SKP2: variants seen among roughly 807,000 people sequenced by gnomAD.
The protein encoded by SKP2 is S-phase kinase-associated protein 2.
Under a neutral mutation model 51.8 loss-of-function variants are expected in SKP2, and 16 were observed. The ratio of observed to expected loss-of-function variants is 0.31; its 90% CI spans 0.21 to 0.47. SKP2 has a LOEUF of 0.47. Among genes scored for constraint, SKP2 ranks in the 20% least tolerant of loss-of-function variants. The pLI is 1.00. For synonymous variants in SKP2, 176 were observed against 198.6 expected (o/e 0.89, Z 0.96); for missense variants, 377 against 505.3 (o/e 0.75, Z 2.43).
intron 9 of SKP2, chr5:36,180,382 T>C: frequency 1.8e-6 from 1 of 553,982 alleles, no homozygotes; most frequent in Non-Finnish European, 3.0e-6. Flanking sequence ...ATGACAGCAA[T>C]TTGTTCTTTC....
downstream of SKP2, among the ~76,000 whole-genome samples, chr5:36,186,921 G>T (rs185795834): frequency 2.3e-4 from 35 of 152,242 alleles, no homozygotes; most frequent in Non-Finnish European, 4.9e-4. Flanking sequence ...CAGTTTCAGA[G>T]CCTGTTATTG....
At chr5:36,190,861 AAGTT>A (rs1421255819) in intron 6 of SKP2, among the ~76,000 whole-genome samples, 12 of 152,146 alleles carry the variant, frequency 7.9e-5, no homozygotes, top group Admixed American at 2.0e-4. Flanking sequence ...ATACCTCTAA[AAGTT>A]AGGGATTTTC....
downstream of SKP2, among the ~76,000 whole-genome samples, chr5:36,188,543 T>C (rs6451260): frequency 0.062 from 9,503 of 152,254 alleles, 657 homozygotes; most frequent in South Asian, 0.22. Context: ...TCTTTAAGAA[T>C]GTTGAATATT....
At chr5:36,192,478 A>G (rs1486223667) in intron 6 of SKP2, 3 of 152,360 alleles carry the variant, frequency 2.0e-5, no homozygotes, top group Admixed American at 1.3e-4. Context: ...AGCAAAATAT[A>G]TAACGTATCC....
downstream of SKP2, among the ~76,000 whole-genome samples, chr5:36,189,292 G>A (rs1369925836): frequency 6.6e-6 from 1 of 152,202 alleles, no homozygotes; most frequent in Non-Finnish European, 1.5e-5. Flanking sequence ...TGGAGGGGGA[G>A]AGGTGCTCTG....
Position 36,152,335 on chromosome 5 carries a change from G to A in SKP2, c.8+65G>A. On this transcript the variant is annotated intron_variant, in intron 1 of 9. Transcript: ENST00000274255. ...CCTCTTAATAATTCTTTTAGGCCGC[G>A]AATATCGCTACTGGCTAATATTGTT... 14 of 1,427,618 alleles carry A rather than the reference G, an allele frequency of 9.8e-6. No individual in the cohort carries two copies. In the South Asian group the frequency reaches 1.4e-4, roughly 14 times the overall value. 88.4% of individuals were successfully genotyped at this position (1,427,618 alleles called of 1,614,324 possible). A position where few individuals can be genotyped will look rare whatever the true frequency, so the allele number is the denominator to read the frequency against.
chr5:36,152,936 C>G lies in SKP2; in HGVS notation c.174C>G (p.Asn58Lys). 1 of 1,614,104 alleles carries G rather than the reference C, an allele frequency of 6.2e-7. No individual in the cohort carries two copies. The highest frequency in any genetic ancestry group is 8.5e-7 in the Non-Finnish European group (1 of 1,180,016). ...ACATCCCCCAGGAACTGCTCTCAAA[C>G]CTGGGCCACCCGGAGAGCCCCCCAC... ...SENIPQELLS[N>K]LGHPESPPRK... The change falls in exon 2 of 10, where the codon AAC (asparagine) becomes AAG (lysine). Residue 58 changes from asparagine to lysine, a missense_variant. By Grantham distance (94) the Asn-to-Lys change is moderately conservative (BLOSUM62 0). Coordinates refer to ENST00000274255, the MANE Select transcript of SKP2 (RefSeq NM_005983.4).
intron 2 of SKP2, 57 bp downstream of exon 2, chr5:36,153,099 T>C (rs888783200): frequency 1.3e-6 from 2 of 1,530,976 alleles, no homozygotes; most frequent in African/African-American, 2.7e-5. Context: ...AGCTATGTTG[T>C]TGGGAAACCT....
chr5:36,187,856 T>A (rs565824621), downstream of SKP2, among the ~76,000 whole-genome samples: 12 of 152,298 alleles, frequency 7.9e-5, no homozygotes, highest in Non-Finnish European at 1.8e-4. Flanking sequence ...CCCATTATTA[T>A]TGTGTGGGAG....
chr5:36,168,053 C>G (rs995210527), intron 4 of SKP2, among the ~76,000 whole-genome samples: 1 of 152,178 alleles, frequency 6.6e-6, no homozygotes, highest in African/African-American at 2.4e-5. Flanking sequence ...TGTTGTGATG[C>G]CCACTCGTTA....
chr5:36,175,289 GTT>G (rs1745596460), intron 7 of SKP2, among the ~76,000 whole-genome samples: 1 of 152,118 alleles, frequency 6.6e-6, no homozygotes, highest in African/African-American at 2.4e-5. Context: ...ATGGGAAAGA[GTT>G]TAGGGAAGGA....
intron 1 of SKP2, among the ~76,000 whole-genome samples, chr5:36,152,556 G>A (rs951370350): frequency 6.6e-6 from 1 of 152,040 alleles, no homozygotes; most frequent in Non-Finnish European, 1.5e-5. Context: ...AATTCTTGAG[G>A]CCTTCTGCAG....
At position 36,181,803 on chromosome 5, in the gene SKP2, T is replaced by C. The variant is rs375261870; in HGVS notation, c.1062-15T>C. ...TAGATACTGCTATTCTGAAAGTCTT[T>C]TTCTTCCTTTCCAGTGAACTTGGAG... On this transcript the variant is annotated splice_polypyrimidine_tract_variant and intron_variant, in intron 9 of 9. Coordinates refer to ENST00000274255, the MANE Select transcript of SKP2 (RefSeq NM_005983.4). 13 of 1,613,510 alleles carry C rather than the reference T, an allele frequency of 8.1e-6. No homozygotes were observed. The highest frequency in any genetic ancestry group is 1.7e-5 in the Admixed American group (1 of 59,962).
At chr5:36,178,180 T>C (rs752344689) in intron 9 of SKP2, among the ~76,000 whole-genome samples, 1 of 152,106 alleles carries the variant, frequency 6.6e-6, no homozygotes, top group Non-Finnish European at 1.5e-5. Flanking sequence ...TATCTTAGAG[T>C]TGATCAGGTG....
chr5:36,173,422 C>T (rs1449147524), intron 7 of SKP2, among the ~76,000 whole-genome samples: 3 of 152,156 alleles, frequency 2.0e-5, no homozygotes, highest in African/African-American at 7.2e-5. Context: ...CACGAGCATC[C>T]TCTTAGTGTG....
chr5:36,170,429 A>G lies in SKP2; in HGVS notation c.757A>G (p.Ser253Gly). Residue 253 changes from serine (S) to glycine (G), a missense_variant, in exon 6 of 10, where the codon AGC (serine) becomes GGC (glycine). Coordinates refer to ENST00000274255, the MANE Select transcript of SKP2 (RefSeq NM_005983.4). Reference protein sequence around the residue: ...FSEFALQTLLSSCSRLDELNL... With the variant: ...FSEFALQTLLGSCSRLDELNL... ...TGAATTTGCCCTGCAGACTTTGCTA[A>G]GCAGCTGTTCCAGGTATGAAAGATG... is the stretch of plus-strand genomic sequence containing the variant. 2.5e-6 allele frequency: 4 copies of G among 1,606,046 alleles called. No individual in the cohort carries two copies. The highest frequency in any genetic ancestry group is 3.4e-6 in the Non-Finnish European group (4 of 1,173,238).
intron 2 of SKP2, among the ~76,000 whole-genome samples, chr5:36,159,455 C>T (rs1214546596): frequency 6.6e-6 from 1 of 152,168 alleles, no homozygotes; most frequent in Non-Finnish European, 1.5e-5. Context: ...TCTGTTGGTG[C>T]CCTATCTATA....
At chr5:36,161,913 T>G (rs947766632) in intron 2 of SKP2, among the ~76,000 whole-genome samples, 1 of 152,202 alleles carries the variant, frequency 6.6e-6, no homozygotes, top group Non-Finnish European at 1.5e-5. Context: ...CATCTGACTG[T>G]TTTTTAGGAT....
chr5:36,171,845 T>C (rs569579204), intron 7 of SKP2, 112 bp downstream of exon 7: 8 of 1,036,406 alleles, frequency 7.7e-6, no homozygotes, highest in Non-Finnish European at 1.1e-5. Flanking sequence ...ATCCAGTGCA[T>C]GTGTTAGTCC....
Sources: gnomAD v4.1 joint callset for allele counts (sites outside exome capture counted in the v4.1 genomes callset) on GRCh38, gnomAD v4.1.1 for gene constraint, MANE v1.5 for transcripts, NCBI Gene and HGNC (gene_info 2026-07-23, HGNC 2026-07-21) for gene names.